HMCN1: variants seen among roughly 807,000 people sequenced by gnomAD.
The protein encoded by HMCN1 is hemicentin-1.
Under a neutral mutation model 625.9 loss-of-function variants are expected in HMCN1, and 321 were observed. That is an observed-to-expected ratio of 0.51 (90% CI 0.47 to 0.56). HMCN1 has a LOEUF of 0.56. Ranked by LOEUF, HMCN1 falls within the 20% of genes least tolerant of loss-of-function variation. The pLI is 0.00. For missense variants in HMCN1, 6,588 were observed against 6,887.3 expected (o/e 0.96, Z 1.54); for synonymous variants, 2,425 against 2,417.6 (o/e 1.00, Z -0.09).
intron 1 of HMCN1, among the ~76,000 whole-genome samples, chr1:185,836,592 G>A (rs1405419633): frequency 6.6e-6 from 1 of 152,036 alleles, no homozygotes; most frequent in Admixed American, 6.6e-5. Flanking sequence ...TTTATTTCCA[G>A]TGAATTATAA....
At chr1:185,847,885 C>T (rs112618613) in intron 2 of HMCN1, among the ~76,000 whole-genome samples, 20 of 151,736 alleles carry the variant, frequency 1.3e-4, no homozygotes, top group African/African-American at 3.6e-4. Context: ...CCCAGGAGTT[C>T]GAGGCTACAA....
At chr1:186,011,079 G>A (rs1360072825) in intron 30 of HMCN1, among the ~76,000 whole-genome samples, 1 of 151,650 alleles carries the variant, frequency 6.6e-6, no homozygotes, top group Non-Finnish European at 1.5e-5. Flanking sequence ...AGGGAGTCTC[G>A]CTGTCACCCA....
In HMCN1 at chr1:185,950,188, C is replaced by A. The variant is rs1418681767; in HGVS notation, c.1829-12330C>A. ...GTGGGAGGCCGGATTGAAGTCTGGG[C>A]CAGGGACAACGGTAATTGTGGGAGA... On this transcript the variant is annotated intron_variant, in intron 11 of 106. Coordinates refer to ENST00000271588, the MANE Select transcript of HMCN1 (RefSeq NM_031935.3). 2.6e-5 allele frequency among the ~76,000 whole-genome samples: 4 copies of A among 151,048 alleles called. 1 individual carries two copies. Among genetic ancestry groups the A allele is most frequent in the African/African-American group, 9.9e-5 (4 of 40,576 alleles).
At chr1:185,800,839 T>TA (rs1658746074) in intron 1 of HMCN1, among the ~76,000 whole-genome samples, 1 of 152,234 alleles carries the variant, frequency 6.6e-6, no homozygotes, top group South Asian at 2.1e-4. Flanking sequence ...TCTTCTGTCT[T>TA]ATATTTGTGG....
intron 2 of HMCN1, among the ~76,000 whole-genome samples, chr1:185,849,828 T>A (rs1662056312): frequency 6.6e-6 from 1 of 152,226 alleles, no homozygotes; most frequent in Non-Finnish European, 1.5e-5. Flanking sequence ...TTGACATTTT[T>A]TTTCACCAAC....
chr1:185,855,249 G>A (rs1383152966), intron 2 of HMCN1, among the ~76,000 whole-genome samples: 2 of 152,140 alleles, frequency 1.3e-5, no homozygotes, highest in Non-Finnish European at 2.9e-5. Context: ...TCCAACCAGG[G>A]CAATGGCAGT....
At position 185,934,255 on chromosome 1, in the gene HMCN1, C is replaced by T. The variant is rs915285396; in HGVS notation, c.1828+431C>T. Among the ~76,000 whole-genome samples the T allele has an allele frequency of 9.2e-5, 14 of 152,068 alleles. 1 individual carries two copies. The highest frequency in any genetic ancestry group is 1.8e-4 in the Non-Finnish European group (12 of 68,034). The stretch of plus-strand genomic sequence containing the variant: ...ATTGTTCAATTGTTTAGTAATCTCT[C>T]ACTAATGCCTTTAAAATAAAGGTTT... On this transcript the variant is annotated intron_variant, in intron 11 of 106. Transcript: ENST00000271588.
At chr1:186,142,693 T>A (rs1650045207) in intron 89 of HMCN1, among the ~76,000 whole-genome samples, 1 of 152,236 alleles carries the variant, frequency 6.6e-6, no homozygotes, top group Non-Finnish European at 1.5e-5. Context: ...CAACATTTTG[T>A]ATCTTGAAGT....
rs117797588 is a variant in HMCN1 at position 186,079,754 on chromosome 1, T to C, written c.8600-1453T>C. ...ATGGTCAAGGGTAGATGTTCATGCC[T>C]CAGGCTGTTATTTTCAATTAGGAAG... On this transcript the variant is annotated intron_variant, in intron 55 of 106. Transcript: ENST00000271588. 5.9e-5 allele frequency among the ~76,000 whole-genome samples: 9 copies of C among 152,306 alleles called. No individual in the cohort carries two copies. The East Asian group carries it at 1.7e-3, about 29-fold the overall frequency.
rs1458951707 is a variant in HMCN1, at chr1:185,862,036, GA to G, written c.340-2430del. ...AGAACAGTAGAAAGACTACTTGAAT[GA>G]AAATTGTTATGGCATTAAGGTGTGA... is the stretch of plus-strand genomic sequence containing the variant. On this transcript the variant is annotated intron_variant, in intron 2 of 106. Transcript: ENST00000271588. 1.3e-4 allele frequency among the ~76,000 whole-genome samples: 20 copies of G among 152,238 alleles called. No homozygotes were observed. The South Asian group carries it at 1.5e-3, about 11-fold the overall frequency.
At position 186,166,747 on chromosome 1, in the gene HMCN1, G is replaced by A. The variant is rs770975977; in HGVS notation, c.15440-61G>A. ...CTGCTTTTTGTATCCCTATTTCACCGCAGGTTCTTGGGCTGGGTGTTCTTC... is the reference window on the plus strand; with the variant it reads ...CTGCTTTTTGTATCCCTATTTCACCACAGGTTCTTGGGCTGGGTGTTCTTC... On this transcript the variant is annotated intron_variant, in intron 99 of 106. Coordinates refer to ENST00000271588, the MANE Select transcript of HMCN1 (RefSeq NM_031935.3). 7.2e-5 allele frequency: 116 copies of A among 1,611,206 alleles called. 1 individual carries two copies. The highest frequency in any genetic ancestry group is 2.0e-4 in the Admixed American group (12 of 59,886).
At chr1:185,794,732 G>A (rs1464065811) in intron 1 of HMCN1, among the ~76,000 whole-genome samples, 2 of 149,870 alleles carry the variant, frequency 1.3e-5, no homozygotes, top group Non-Finnish European at 3.0e-5. Context: ...ATCTCCTTTG[G>A]TAACACCCTC....
chr1:185,918,639 C>G (rs1312529523), intron 6 of HMCN1, among the ~76,000 whole-genome samples: 2 of 152,152 alleles, frequency 1.3e-5, no homozygotes. Context: ...CGTGACCTTA[C>G]CTCACATCTG....
chr1:186,097,411 G>T (rs1411809782), intron 68 of HMCN1, among the ~76,000 whole-genome samples: 1 of 151,926 alleles, frequency 6.6e-6, no homozygotes, highest in East Asian at 1.9e-4. Context: ...GTTTCTCAAG[G>T]CCTACTGCCG....
At chr1:186,080,105 T>C (rs754533798) in intron 55 of HMCN1, among the ~76,000 whole-genome samples, 5 of 152,232 alleles carry the variant, frequency 3.3e-5, no homozygotes, top group Non-Finnish European at 5.9e-5. Context: ...TATTTAGTAA[T>C]CTGCAGTTCA....
In HMCN1 at chr1:186,116,985, G is replaced by A. The variant is rs764922914; in HGVS notation, c.11562-9G>A. Reference sequence around the variant, plus strand: ...TATAGTATCTCATGCTTTGAAATGTGTCTTCTAGGCTCCTTTCTTCAGGTT... The same window carrying A: ...TATAGTATCTCATGCTTTGAAATGTATCTTCTAGGCTCCTTTCTTCAGGTT... On this transcript the variant is annotated splice_polypyrimidine_tract_variant and intron_variant, in intron 75 of 106. Coordinates refer to ENST00000271588, the MANE Select transcript of HMCN1 (RefSeq NM_031935.3). The A allele has an allele frequency of 6.2e-7, 1 of 1,612,496 alleles. No individual in the cohort carries two copies. The highest frequency in any genetic ancestry group is 1.7e-4 in the Middle Eastern group (1 of 6,054).
Position 186,166,185 on chromosome 1 carries a change from T to G in HMCN1, c.15321T>G (p.Asp5107Glu). ...TLDSVGPFCA[D>E]EDECAAGNPC... The stretch of plus-strand genomic sequence containing the variant: ...GGGCCTTTTTGTTTCTTCTTTAAGA[T>G]GAGGATGAATGTGCAGCAGGGAATC... Residue 5107 changes from aspartate (D) to glutamate (E), a missense_variant and splice_region_variant, in exon 99 of 107, where the codon GAT becomes GAG. Around this residue, in one of 3 missense-constraint regions of HMCN1, gnomAD observed 1,954 missense variants for 2,013.1 expected, o/e 0.97. Coordinates refer to ENST00000271588, the MANE Select transcript of HMCN1 (RefSeq NM_031935.3). 1 of 1,614,076 alleles carries G rather than the reference T, an allele frequency of 6.2e-7. No individual in the cohort carries two copies. The highest frequency in any genetic ancestry group is 1.3e-5 in the African/African-American group (1 of 75,042).
At chr1:185,798,652 G>C (rs1032530109) in intron 1 of HMCN1, among the ~76,000 whole-genome samples, 3 of 151,726 alleles carry the variant, frequency 2.0e-5, no homozygotes, top group African/African-American at 7.3e-5. Flanking sequence ...TCTTCTGCTT[G>C]TTCTAGTCTA....
At chr1:185,805,933 T>G (rs1659144921) in intron 1 of HMCN1, among the ~76,000 whole-genome samples, 1 of 152,038 alleles carries the variant, frequency 6.6e-6, no homozygotes, top group Non-Finnish European at 1.5e-5. Context: ...TTCCATTTAT[T>G]TTTTTTACAT....
Sources: allele counts gnomAD v4.1 joint callset (sites outside exome capture counted in the v4.1 genomes callset), GRCh38; gene constraint gnomAD v4.1.1; regional missense constraint gnomAD v4.1.1; transcripts MANE v1.5; gene names NCBI Gene and HGNC (gene_info 2026-07-23, HGNC 2026-07-21).